GABRB2: variants seen among roughly 807,000 people sequenced by gnomAD.
The protein encoded by GABRB2 is gamma-aminobutyric acid type A receptor subunit beta2, also known as gamma-aminobutyric acid receptor subunit beta-2.
GABRB2 carries 16 observed loss-of-function variants against 54.7 expected under a neutral mutation model. The observed-to-expected ratio is 0.29, with a 90% confidence interval of 0.20 to 0.44. The LOEUF (loss-of-function observed/expected upper bound fraction) is 0.44, where lower values mean the gene tolerates loss of function less well. Ranked by LOEUF, GABRB2 falls within the 20% of genes least tolerant of loss-of-function variation. The probability of loss-of-function intolerance (pLI) is 1.00; values close to 1 mark genes in which losing one functional copy is unlikely to be tolerated. For missense variants in GABRB2, 355 were observed against 644.0 expected (o/e 0.55, Z 4.86); for synonymous variants, 244 against 233.8 (o/e 1.04, Z -0.40).
At chr5:161,442,391 G>A (rs1259906371) in intron 4 of GABRB2, among the ~76,000 whole-genome samples, 1 of 152,196 alleles carries the variant, frequency 6.6e-6, no homozygotes, top group Non-Finnish European at 1.5e-5. Flanking sequence ...TAGTGATGAT[G>A]AGGTACCCAC....
intron 3 of GABRB2, 43 bp from the exon 4 acceptor site, chr5:161,459,887 A>AT: frequency 1.7e-5 from 20 of 1,179,868 alleles, no homozygotes; most frequent in African/African-American, 3.0e-5. Context: ...TTACACCCAG[A>AT]CAGATCTGGG....
intron 9 of GABRB2, among the ~76,000 whole-genome samples, chr5:161,314,850 G>A (rs1055854704): frequency 9.9e-5 from 15 of 152,132 alleles, no homozygotes; most frequent in African/African-American, 3.6e-4. Flanking sequence ...TCGATATATT[G>A]ACTGATAAAA....
intron 7 of GABRB2, among the ~76,000 whole-genome samples, chr5:161,332,027 G>A (rs1366441217): frequency 1.3e-5 from 2 of 151,922 alleles, no homozygotes; most frequent in South Asian, 2.1e-4. Context: ...TTAGCCGGGC[G>A]TGATGGCGGG....
chr5:161,541,370 A>G (rs1581071090), intron 3 of GABRB2, among the ~76,000 whole-genome samples: 1 of 152,282 alleles, frequency 6.6e-6, no homozygotes, highest in South Asian at 2.1e-4. Context: ...AACACCTAAC[A>G]AAAGTCAACC....
intron 3 of GABRB2, among the ~76,000 whole-genome samples, chr5:161,462,372 G>A (rs1209714720): frequency 6.6e-6 from 1 of 152,138 alleles, no homozygotes; most frequent in Non-Finnish European, 1.5e-5. Flanking sequence ...ATTTTTGTGT[G>A]TGCCTATGTT....
At chr5:161,476,822 T>C (rs1448651858) in intron 3 of GABRB2, among the ~76,000 whole-genome samples, 2 of 151,888 alleles carry the variant, frequency 1.3e-5, no homozygotes, top group African/African-American at 4.8e-5. Context: ...ATGTAAGACC[T>C]AAAGTTATAA....
chr5:161,412,987 C>G (rs1756563801), intron 4 of GABRB2, among the ~76,000 whole-genome samples: 1 of 152,130 alleles, frequency 6.6e-6, no homozygotes, highest in Non-Finnish European at 1.5e-5. Flanking sequence ...CTCACTGCAG[C>G]CTCAACCTCC....
At chr5:161,314,024 G>C (rs1166074929) in intron 9 of GABRB2, among the ~76,000 whole-genome samples, 1 of 152,216 alleles carries the variant, frequency 6.6e-6, no homozygotes, top group East Asian at 1.9e-4. Context: ...GCTGCATCAG[G>C]GTAGCAATGT....
chr5:161,370,540 G>T (rs1055258638), intron 5 of GABRB2, among the ~76,000 whole-genome samples: 10 of 152,126 alleles, frequency 6.6e-5, no homozygotes, highest in Non-Finnish European at 1.5e-4. Flanking sequence ...AGAGAAAACT[G>T]CTCTGTGACT....
intron 4 of GABRB2, among the ~76,000 whole-genome samples, chr5:161,455,443 G>T (rs1407828770): frequency 6.6e-6 from 1 of 152,042 alleles, no homozygotes; most frequent in African/African-American, 2.4e-5. Context: ...TCCCATGGCT[G>T]CAGACCTTTT....
chr5:161,541,990 T>C (rs189594500), intron 3 of GABRB2, among the ~76,000 whole-genome samples: 1 of 152,184 alleles, frequency 6.6e-6, no homozygotes, highest in Non-Finnish European at 1.5e-5. Flanking sequence ...TGTGCAACTC[T>C]CATTGTAGGG....
chr5:161,450,755 T>A (rs887606964), intron 4 of GABRB2, among the ~76,000 whole-genome samples: 8 of 152,328 alleles, frequency 5.3e-5, no homozygotes, highest in Admixed American at 1.3e-4. Flanking sequence ...TAATTCTAAA[T>A]ATATTTACTT....
chr5:161,441,743 C>G (rs903282604), intron 4 of GABRB2, among the ~76,000 whole-genome samples: 2 of 152,096 alleles, frequency 1.3e-5, no homozygotes, highest in African/African-American at 4.8e-5. Context: ...AAATGTGATA[C>G]CTATAAACAA....
chr5:161,316,308 C>G (rs1758026047), intron 9 of GABRB2, among the ~76,000 whole-genome samples: 1 of 151,904 alleles, frequency 6.6e-6, no homozygotes, highest in East Asian at 1.9e-4. Context: ...CGTGAAGACC[C>G]ATATCTGCAG....
At position 161,288,646 on chromosome 5, in the gene GABRB2, G is replaced by A. The variant is rs1196732481; in HGVS notation, c.*5435C>T. The A allele has an allele frequency of 6.6e-6, 1 of 152,524 alleles. No individual in the cohort carries two copies. The highest frequency in any genetic ancestry group is 2.4e-5 in the African/African-American group (1 of 41,406). 9.4% of individuals were successfully genotyped at this position (152,524 alleles called of 1,614,324 possible). A position where few individuals can be genotyped will look rare whatever the true frequency, so the allele number is the denominator to read the frequency against. On this transcript the variant is annotated 3_prime_UTR_variant, in exon 10 of 10. Coordinates refer to ENST00000393959, the MANE Select transcript of GABRB2 (RefSeq NM_001371727.1). The stretch of plus-strand genomic sequence containing the variant: ...AGAAAGACATGAAAATAGATGCAAT[G>A]ATATCCACTGTGTTTTGCATTTTTC...
chr5:161,513,693 T>A (rs1049056621), intron 3 of GABRB2, among the ~76,000 whole-genome samples: 2 of 152,088 alleles, frequency 1.3e-5, no homozygotes, highest in Non-Finnish European at 2.9e-5. Flanking sequence ...GTGCTCACTA[T>A]CTGGGTGATG....
intron 3 of GABRB2, among the ~76,000 whole-genome samples, chr5:161,509,130 A>G (rs540027622): frequency 2.0e-5 from 3 of 152,136 alleles, no homozygotes; most frequent in African/African-American, 7.2e-5. Flanking sequence ...AATAAGAGAC[A>G]TAAAACACGG....
intron 5 of GABRB2, among the ~76,000 whole-genome samples, chr5:161,343,007 G>A (rs1043551976): frequency 6.6e-6 from 1 of 152,070 alleles, no homozygotes; most frequent in African/African-American, 2.4e-5. Context: ...GCAGAGGCCT[G>A]TATGCTCTGC....
intron 4 of GABRB2, among the ~76,000 whole-genome samples, chr5:161,441,111 T>C (rs573539542): frequency 6.6e-6 from 1 of 152,114 alleles, no homozygotes; most frequent in African/African-American, 2.4e-5. Context: ...AATAGACAAA[T>C]GGGATCACAT....
Sources: allele counts gnomAD v4.1 joint callset (sites outside exome capture counted in the v4.1 genomes callset), GRCh38; gene constraint gnomAD v4.1.1; transcripts MANE v1.5; gene names NCBI Gene and HGNC (gene_info 2026-07-23, HGNC 2026-07-21).